DMD: variants seen among roughly 807,000 people sequenced by gnomAD.
The protein encoded by DMD is mutant dystrophin.
Under a neutral mutation model 330.1 loss-of-function variants are expected in DMD, and 63 were observed. The ratio of observed to expected loss-of-function variants is 0.19; its 90% confidence interval spans 0.16 to 0.24. DMD has a LOEUF of 0.24. Ranked by LOEUF, DMD falls within the 10% of genes least tolerant of loss-of-function variation. The pLI is 1.00. For missense variants in DMD, 3,344 were observed against 2,684.1 expected, an observed-to-expected ratio of 1.25 and a Z score of -5.43; for synonymous variants, 1,223 against 959.8, an observed-to-expected ratio of 1.27 and a Z score of -5.07.
In DMD at chrX:31,875,386, T is replaced by C. The variant is rs2093953045; in HGVS notation, c.6913-13A>G. 4.2e-6 allele frequency: 5 copies of C among 1,181,685 alleles called. No homozygotes were observed. The highest frequency in any genetic ancestry group is 1.8e-5 in the South Asian group (1 of 54,250). ...AAGCTCTGGAAACCTGAAAGGAAAA[T>C]ACATTTTAAAAAGGTAAATAATTCT... is the stretch of plus-strand genomic sequence containing the variant. On this transcript the variant is annotated splice_polypyrimidine_tract_variant and intron_variant, in intron 47 of 78. Transcript: ENST00000357033.
chrX:32,029,119 G>T (rs2095866800), intron 44 of DMD, among the ~76,000 whole-genome samples: 1 of 111,109 alleles, frequency 9.0e-6, no homozygotes, highest in Admixed American at 9.6e-5. Context: ...AAGCAGGTGG[G>T]AAGATGATAG....
chrX:31,248,802 C>T (rs11095205), intron 63 of DMD, among the ~76,000 whole-genome samples: 27,001 of 110,570 alleles, frequency 0.24, 2,536 homozygotes, highest in East Asian at 0.47. Context: ...ATTCTACCTC[C>T]GGCAATAGGT....
At position 31,898,193 on chromosome X, in the gene DMD, C is replaced by T. The variant is rs1423432344; in HGVS notation, c.6913-22820G>A. 6.4e-5 allele frequency among the ~76,000 whole-genome samples: 7 copies of T among 110,233 alleles called. No homozygotes were observed. The Admixed American group carries it at 6.8e-4, about 11-fold the overall frequency. ...AATATCGTGAAAATGGTCATACTGC[C>T]CAAGGTAATTTACAGATTCAATGCC... On this transcript the variant is annotated intron_variant, in intron 47 of 78. Coordinates refer to ENST00000357033, the MANE Select transcript of DMD (RefSeq NM_004006.3).
chrX:31,764,780 C>T (rs2089879638), intron 51 of DMD, among the ~76,000 whole-genome samples: 1 of 111,417 alleles, frequency 9.0e-6, no homozygotes, highest in Non-Finnish European at 1.9e-5. Flanking sequence ...TAAATCAAAG[C>T]ATTTCTGTTC....
intron 2 of DMD, among the ~76,000 whole-genome samples, chrX:32,891,324 G>C (rs2085179425): frequency 8.9e-6 from 1 of 112,130 alleles, no homozygotes; most frequent in African/African-American, 3.2e-5. Flanking sequence ...GTGAGCCAGT[G>C]AGAGAAGACT....
intron 2 of DMD, among the ~76,000 whole-genome samples, chrX:32,891,452 A>T (rs2085192782): frequency 1.8e-5 from 2 of 112,446 alleles, no homozygotes; most frequent in African/African-American, 3.2e-5. Flanking sequence ...AAGTGATCTA[A>T]ATTAAATTTT....
chrX:32,589,855 C>T (rs1285214991), intron 13 of DMD, among the ~76,000 whole-genome samples: 2 of 111,409 alleles, frequency 1.8e-5, no homozygotes, highest in Non-Finnish European at 3.8e-5. Context: ...CACAGAGCCC[C>T]AGCTAAATCC....
intron 44 of DMD, among the ~76,000 whole-genome samples, chrX:32,091,779 G>A (rs1185693894): frequency 9.0e-6 from 1 of 111,324 alleles, no homozygotes; most frequent in Non-Finnish European, 1.9e-5. Context: ...TAAAATGAAA[G>A]TAAGGAAATA....
chrX:32,980,629 T>A (rs1298696349), intron 2 of DMD, among the ~76,000 whole-genome samples: 1 of 110,411 alleles, frequency 9.1e-6, no homozygotes, highest in Non-Finnish European at 1.9e-5. Flanking sequence ...TGCTCCCAAG[T>A]ATCCTTCATA....
chrX:33,008,003 T>C lies in DMD; in HGVS notation c.93+12136A>G, dbSNP rs192532574. On this transcript the variant is annotated intron_variant, in intron 2 of 78. Transcript: ENST00000357033. ...ATTCATCTGCAACTCTCATTTGTTC[T>C]CATTAAAAGACAGCTAATGCTAAAC... 2.6e-3 allele frequency among the ~76,000 whole-genome samples: 287 copies of C among 111,490 alleles called. 1 individual carries two copies. Among genetic ancestry groups the C allele is most frequent in the Middle Eastern group, 9.3e-3 (2 of 214 alleles).
intron 55 of DMD, among the ~76,000 whole-genome samples, chrX:31,583,817 T>A (rs1016011773): frequency 9.2e-6 from 1 of 108,513 alleles, no homozygotes; most frequent in Non-Finnish European, 1.9e-5. Context: ...TGAAGGTTAG[T>A]TACATATGTA....
At chrX:32,169,427 C>T (rs2096879551) in intron 44 of DMD, among the ~76,000 whole-genome samples, 1 of 111,532 alleles carries the variant, frequency 9.0e-6, no homozygotes, top group African/African-American at 3.3e-5. Context: ...CATAGTCCCC[C>T]AACAGGCATC....
At chrX:31,767,624 C>T (rs1483411028) in intron 51 of DMD, among the ~76,000 whole-genome samples, 2 of 111,764 alleles carry the variant, frequency 1.8e-5, no homozygotes, top group Non-Finnish European at 3.8e-5. Flanking sequence ...CAGAATAAAA[C>T]CAAGAAACAT....
At chrX:32,855,628 T>C (rs1017222064) in intron 2 of DMD, among the ~76,000 whole-genome samples, 2 of 111,876 alleles carry the variant, frequency 1.8e-5, no homozygotes, top group Non-Finnish European at 3.8e-5. Context: ...AGAATGAAAT[T>C]AGACCCTTAT....
chrX:32,676,986 ATT>A (rs1468458683), intron 9 of DMD, among the ~76,000 whole-genome samples: 1 of 111,632 alleles, frequency 9.0e-6, no homozygotes, highest in Non-Finnish European at 1.9e-5. Context: ...TTTTTCATTT[ATT>A]GACATTTAAA....
intron 1 of DMD, among the ~76,000 whole-genome samples, chrX:33,336,733 CCTT>C (rs2054260517): frequency 1.8e-5 from 2 of 111,334 alleles, no homozygotes; most frequent in South Asian, 3.7e-4. Context: ...CTCTTTCACA[CCTT>C]CTATTTTTAT....
intron 63 of DMD, among the ~76,000 whole-genome samples, chrX:31,239,121 A>T (rs974690769): frequency 1.8e-5 from 2 of 112,072 alleles, no homozygotes; most frequent in Non-Finnish European, 3.8e-5. Context: ...ACCACCATTT[A>T]TAACACATTT....
intron 2 of DMD, among the ~76,000 whole-genome samples, chrX:33,010,039 T>TAC (rs1389722046): frequency 1.1e-4 from 7 of 66,017 alleles, no homozygotes; most frequent in African/African-American, 4.0e-4. Flanking sequence ...CATGTGTATA[T>TAC]ACACATGTGT....
intron 1 of DMD, among the ~76,000 whole-genome samples, chrX:33,098,768 C>G (rs748059266): frequency 9.0e-5 from 10 of 111,656 alleles, no homozygotes; most frequent in Non-Finnish European, 1.5e-4. Context: ...ACAAAGGAGA[C>G]AGGGTCATTT....
Sources: gnomAD v4.1 joint callset for allele counts (sites outside exome capture counted in the v4.1 genomes callset) on GRCh38, gnomAD v4.1.1 for gene constraint, MANE v1.5 for transcripts, NCBI Gene and HGNC (gene_info 2026-07-23, HGNC 2026-07-21) for gene names.